The following ARPC2 variants were observed in gnomAD, a reference collection of about 807,000 sequenced individuals.
ARPC2 encodes the protein actin related protein 2/3 complex subunit 2, also known as actin-related protein 2/3 complex subunit 2.
A neutral mutation model predicts 38.6 loss-of-function variants in ARPC2; 4 were observed. That is an observed-to-expected ratio of 0.10 (90% CI 0.05 to 0.24). The LOEUF (loss-of-function observed/expected upper bound fraction) is 0.24, where lower values mean the gene tolerates loss of function less well. Ranked by LOEUF, ARPC2 falls within the 10% of genes least tolerant of loss-of-function variation. The probability of loss-of-function intolerance (pLI) is 1.00; values close to 1 mark genes in which losing one functional copy is unlikely to be tolerated. For synonymous variants in ARPC2, 125 were observed against 140.8 expected, an observed-to-expected ratio of 0.89 and a Z score of 0.79; for missense variants, 229 against 387.3, an observed-to-expected ratio of 0.59 and a Z score of 3.43.
Position 218,249,554 on chromosome 2 carries a change from C to A in ARPC2, c.777+90C>A. 4 of 1,032,112 alleles carry A rather than the reference C, an allele frequency of 3.9e-6. No individual in the cohort carries two copies. In the South Asian group the frequency reaches 6.3e-5, roughly 16 times the overall value. The allele number at this position is 1,032,112 out of a possible 1,614,324, so 63.9% of individuals were successfully genotyped here. On this transcript the variant is annotated intron_variant, in intron 9 of 10. Coordinates refer to ENST00000315717, the MANE Select transcript of ARPC2 (RefSeq NM_152862.3). The stretch of plus-strand genomic sequence containing the variant: ...CAGAAAGTCATTCCATTAGTCTACG[C>A]TGTGGATATTGACTCTTAGGTAAAT...
intron 1 of ARPC2, 102 bp from the exon 2 acceptor site, chr2:218,217,361 A>G: frequency 9.4e-7 from 1 of 1,067,434 alleles, no homozygotes; most frequent in Non-Finnish European, 1.4e-6. Flanking sequence ...CTAACCTCCT[A>G]CCCCACCCAG....
intron 4 of ARPC2, chr2:218,233,530 T>TA (rs1158828713): frequency 6.6e-6 from 1 of 151,626 alleles, no homozygotes; most frequent in Non-Finnish European, 1.5e-5. Flanking sequence ...ACATGGAGAG[T>TA]ATACAACCTT....
At chr2:218,234,811 AT>A in intron 5 of ARPC2, 1 of 459,134 alleles carries the variant, frequency 2.2e-6, no homozygotes, top group African/African-American at 2.0e-5. Context: ...TATTCTTGTG[AT>A]TTCAAGTAAT....
chr2:218,239,325 G>T, intron 6 of ARPC2, 66 bp from the exon 7 acceptor site: 1 of 1,144,600 alleles, frequency 8.7e-7, no homozygotes, highest in Non-Finnish European at 1.3e-6. Context: ...TGTACTTGTA[G>T]ATCAAGTTAT....
At chr2:218,230,990 C>G (rs1402816708) in intron 4 of ARPC2, among the ~76,000 whole-genome samples, 1 of 152,208 alleles carries the variant, frequency 6.6e-6, no homozygotes, top group Non-Finnish European at 1.5e-5. Context: ...GTAGCTACCA[C>G]AAGGGTCAAA....
intron 7 of ARPC2, among the ~76,000 whole-genome samples, chr2:218,242,681 A>G (rs1003868357): frequency 6.6e-6 from 1 of 152,194 alleles, no homozygotes; most frequent in Non-Finnish European, 1.5e-5. Flanking sequence ...TCCTGATCTG[A>G]TAGGTTAAAG....
At chr2:218,251,165 T>C (rs540565298) in intron 10 of ARPC2, among the ~76,000 whole-genome samples, 1 of 152,100 alleles carries the variant, frequency 6.6e-6, no homozygotes, top group African/African-American at 2.4e-5. Flanking sequence ...GCCAGTGTTA[T>C]TTGCCAGCAC....
At chr2:218,248,588 G>A (rs1690103495) in intron 8 of ARPC2, among the ~76,000 whole-genome samples, 1 of 152,204 alleles carries the variant, frequency 6.6e-6, no homozygotes, top group South Asian at 2.1e-4. Context: ...AGCCTCCTAA[G>A]TAGCTGAGAT....
intron 10 of ARPC2, among the ~76,000 whole-genome samples, chr2:218,253,601 G>A (rs1400764935): frequency 6.6e-6 from 1 of 152,222 alleles, no homozygotes; most frequent in Non-Finnish European, 1.5e-5. Context: ...TCCAGAAATT[G>A]TGAACAAGTG....
intron 6 of ARPC2, chr2:218,239,121 G>A: frequency 1.8e-6 from 1 of 567,360 alleles, no homozygotes; most frequent in Non-Finnish European, 3.1e-6. Flanking sequence ...AGTATAGCCT[G>A]GATAATCAGC....
intron 5 of ARPC2, chr2:218,235,026 A>G (rs1363175754): frequency 1.2e-5 from 4 of 344,096 alleles, no homozygotes; most frequent in African/African-American, 8.7e-5. Flanking sequence ...ATTTAGCAGG[A>G]CCCCAAAGTG....
Position 218,217,205 on chromosome 2 carries a change from T to A in ARPC2, c.-58T>A. 1 of 431,374 alleles carries A rather than the reference T, an allele frequency of 2.3e-6. No homozygotes were observed. The highest frequency in any genetic ancestry group is 4.4e-5 in the East Asian group (1 of 22,828). 26.7% of individuals were successfully genotyped at this position (431,374 alleles called of 1,614,324 possible). A position where few individuals can be genotyped will look rare whatever the true frequency, so the allele number is the denominator to read the frequency against. ...ACCGGGCTTGTCGGTGAAGCGGCAG[T>A]GGCGGCGGCGGCGGCGGCTCGGCAG... is the stretch of plus-strand genomic sequence containing the variant. On this transcript the variant is annotated 5_prime_UTR_variant, in exon 1 of 11. Transcript: ENST00000315717.
chr2:218,234,810 G>A (rs1689729553), intron 5 of ARPC2: 2 of 459,284 alleles, frequency 4.4e-6, no homozygotes, highest in South Asian at 3.1e-5. Flanking sequence ...CTATTCTTGT[G>A]ATTTCAAGTA....
At chr2:218,239,761 T>C (rs1204678101) in intron 7 of ARPC2, among the ~76,000 whole-genome samples, 1 of 151,014 alleles carries the variant, frequency 6.6e-6, no homozygotes, top group East Asian at 2.0e-4. Flanking sequence ...ACCCAGCTAA[T>C]TTTGTATTTT....
intron 10 of ARPC2, among the ~76,000 whole-genome samples, 195 bp downstream of exon 10, chr2:218,250,116 C>T (rs897315208): frequency 2.0e-5 from 3 of 152,106 alleles, no homozygotes; most frequent in African/African-American, 4.8e-5. Flanking sequence ...TCCTTGTTTC[C>T]GTATCTTTGT....
intron 7 of ARPC2, 200 bp downstream of exon 7, chr2:218,239,684 C>T (rs1689863293): frequency 2.0e-6 from 1 of 504,600 alleles, no homozygotes; most frequent in Non-Finnish European, 3.5e-6. Flanking sequence ...ACCTCCGCCT[C>T]CCAGGTTCAA....
At chr2:218,217,677 G>A in intron 2 of ARPC2, 133 bp downstream of exon 2, 1 of 982,832 alleles carries the variant, frequency 1.0e-6, no homozygotes, top group Non-Finnish European at 1.5e-6. Flanking sequence ...CTGCCCCAGC[G>A]GGGTAGACGT....
chr2:218,241,394 G>A (rs541653110), intron 7 of ARPC2, among the ~76,000 whole-genome samples: 5 of 152,236 alleles, frequency 3.3e-5, no homozygotes, highest in Admixed American at 3.3e-4. Flanking sequence ...ACTTGATGAA[G>A]GAATATATAA....
intron 3 of ARPC2, chr2:218,226,881 A>G (rs145216637): frequency 3.0e-6 from 1 of 337,392 alleles, no homozygotes; most frequent in Non-Finnish European, 6.5e-6. Context: ...TTTGCCTAGC[A>G]CTAGAGTAGT....
Sources: gnomAD v4.1 joint callset for allele counts (sites outside exome capture counted in the v4.1 genomes callset) on GRCh38, gnomAD v4.1.1 for gene constraint, MANE v1.5 for transcripts, NCBI Gene and HGNC (gene_info 2026-07-23, HGNC 2026-07-21) for gene names.